Variants in AGK observed in about 807,000 individuals in gnomAD.
AGK encodes acylglycerol kinase, mitochondrial.
A neutral mutation model predicts 66.4 loss-of-function variants in AGK; 52 were observed. That is an observed-to-expected ratio of 0.78 (90% CI 0.63 to 0.99). AGK has a LOEUF of 0.99. AGK is among the 50% of genes least tolerant of loss of function. The pLI is 0.00. For synonymous variants in AGK, 182 were observed against 181.1 expected, an observed-to-expected ratio of 1.00 and a Z score of -0.04; for missense variants, 451 against 506.6, an observed-to-expected ratio of 0.89 and a Z score of 1.05.
chr7:141,651,463 T>C (rs1358002250), intron 14 of AGK, 62 bp from the exon 15 acceptor site: 1 of 1,403,972 alleles, frequency 7.1e-7, no homozygotes, highest in East Asian at 2.3e-5. Flanking sequence ...AGTTGCTACA[T>C]TGTTGCAACC....
chr7:141,585,402 TCCATGGGCAA>T (rs1795975793), intron 2 of AGK, among the ~76,000 whole-genome samples: 1 of 152,232 alleles, frequency 6.6e-6, no homozygotes, highest in Non-Finnish European at 1.5e-5. Context: ...TTCCTATTGC[TCCATGGGCAA>T]CCATGGGCAC....
chr7:141,560,833 G>C (rs1234294609), intron 2 of AGK, among the ~76,000 whole-genome samples: 4 of 126,362 alleles, frequency 3.2e-5, no homozygotes, highest in Non-Finnish European at 4.7e-5. Context: ...GTCTCGCTCT[G>C]TCGCCCAGGC....
chr7:141,626,820 G>A (rs1388277662), intron 9 of AGK, among the ~76,000 whole-genome samples: 1 of 152,152 alleles, frequency 6.6e-6, no homozygotes, highest in Admixed American at 6.5e-5. Flanking sequence ...ATCATGAGAG[G>A]CAGTATTGGA....
chr7:141,596,510 A>G (rs1008207446), intron 3 of AGK, 52 bp from the exon 4 acceptor site: 1 of 1,512,882 alleles, frequency 6.6e-7, no homozygotes, highest in Non-Finnish European at 9.2e-7. Flanking sequence ...TACATGTGAC[A>G]TTTACCAAAT....
intron 15 of AGK, 144 bp from the exon 16 acceptor site, chr7:141,652,643 T>C: frequency 1.2e-6 from 1 of 801,272 alleles, no homozygotes; most frequent in Non-Finnish European, 1.9e-6. Context: ...CACTGAATTT[T>C]TTTTTGTAAA....
chr7:141,556,326 C>T (rs1795209367), intron 2 of AGK, among the ~76,000 whole-genome samples: 1 of 151,962 alleles, frequency 6.6e-6, no homozygotes, highest in South Asian at 2.1e-4. Context: ...GCAGGTGGAT[C>T]ATTTGAGGTC....
chr7:141,615,289 A>G (rs1796680241), intron 7 of AGK, among the ~76,000 whole-genome samples, 182 bp from the exon 8 acceptor site: 1 of 152,180 alleles, frequency 6.6e-6, no homozygotes, highest in African/African-American at 2.4e-5. Flanking sequence ...GTTTTCATTG[A>G]CTGCCTTGTT....
At chr7:141,575,456 G>A (rs539829333) in intron 2 of AGK, among the ~76,000 whole-genome samples, 1 of 152,286 alleles carries the variant, frequency 6.6e-6, no homozygotes, top group South Asian at 2.1e-4. Context: ...TGTGCTCTGT[G>A]TGTGTGCCCA....
At chr7:141,621,945 G>A (rs1435663574) in intron 9 of AGK, 144 bp downstream of exon 9, 2 of 610,754 alleles carry the variant, frequency 3.3e-6, no homozygotes, top group Non-Finnish European at 5.8e-6. Context: ...TTAGTCCCCA[G>A]AGGAAATAAT....
At chr7:141,595,983 A>G (rs762197331) in intron 3 of AGK, among the ~76,000 whole-genome samples, 23 of 152,222 alleles carry the variant, frequency 1.5e-4, no homozygotes, top group Middle Eastern at 3.2e-3. Flanking sequence ...AACTAAGAAT[A>G]ATGTGTGTAA....
intron 2 of AGK, among the ~76,000 whole-genome samples, chr7:141,585,293 G>A (rs1289658410): frequency 2.0e-5 from 3 of 152,130 alleles, no homozygotes; most frequent in Admixed American, 6.5e-5. Flanking sequence ...TAGGGAGTCC[G>A]GGAAATGGGG....
At chr7:141,621,611 A>G (rs1004812805) in intron 8 of AGK, 121 bp from the exon 9 acceptor site, 4 of 655,152 alleles carry the variant, frequency 6.1e-6, no homozygotes, top group South Asian at 1.8e-5. Context: ...AGAGAGAGGG[A>G]GAGAGAGAGA....
intron 10 of AGK, among the ~76,000 whole-genome samples, chr7:141,636,079 C>G (rs1797162856): frequency 6.6e-6 from 1 of 152,198 alleles, no homozygotes; most frequent in Non-Finnish European, 1.5e-5. Context: ...GTGTCTTCCT[C>G]TCTCCAGTAG....
At chr7:141,642,851 A>G (rs1291100328) in intron 13 of AGK, among the ~76,000 whole-genome samples, 1 of 152,194 alleles carries the variant, frequency 6.6e-6, no homozygotes, top group Admixed American at 6.5e-5. Flanking sequence ...GTTGTGACAG[A>G]TTGTATGGCC....
chr7:141,576,097 G>A (rs767794531), intron 2 of AGK, among the ~76,000 whole-genome samples: 24 of 152,058 alleles, frequency 1.6e-4, no homozygotes, highest in African/African-American at 2.9e-4. Flanking sequence ...TATGTTGATC[G>A]TTGCCTTGTT....
Position 141,596,725 on chromosome 7 carries a change from T to C in AGK, c.221+84T>C, listed in dbSNP as rs556300507. 6.4e-6 allele frequency: 8 copies of C among 1,246,642 alleles called. No individual in the cohort carries two copies. In the African/African-American group the frequency reaches 1.2e-4, roughly 18 times the overall value. 77.2% of individuals were successfully genotyped at this position (1,246,642 alleles called of 1,614,324 possible). A position where few individuals can be genotyped will look rare whatever the true frequency, so the allele number is the denominator to read the frequency against. ...GACTATCAGGCAGCTAGTGAGATTG[T>C]GTGGAATTGGAAGAACTAGGTTTAG... On this transcript the variant is annotated intron_variant, in intron 4 of 15. Transcript: ENST00000649286.
intron 11 of AGK, among the ~76,000 whole-genome samples, chr7:141,640,633 A>G (rs1797267574): frequency 6.6e-6 from 1 of 152,144 alleles, no homozygotes; most frequent in Admixed American, 6.5e-5. Context: ...AAATGGGTGG[A>G]TGTGGTGAAT....
chr7:141,645,212 T>C (rs1420234691), intron 13 of AGK, among the ~76,000 whole-genome samples: 1 of 152,154 alleles, frequency 6.6e-6, no homozygotes, highest in Non-Finnish European at 1.5e-5. Context: ...TTTATTTAGG[T>C]CTTCAATGTC....
At chr7:141,603,718 G>A (rs1796389829) in intron 5 of AGK, among the ~76,000 whole-genome samples, 1 of 152,140 alleles carries the variant, frequency 6.6e-6, no homozygotes, top group African/African-American at 2.4e-5. Context: ...TAGTGGCATG[G>A]CTGAGGAAGG....
Sources: gnomAD v4.1 joint callset for allele counts (sites outside exome capture counted in the v4.1 genomes callset) on GRCh38, gnomAD v4.1.1 for gene constraint, MANE v1.5 for transcripts, NCBI Gene and HGNC (gene_info 2026-07-23, HGNC 2026-07-21) for gene names.